The following GLG1 variants were observed in gnomAD, a reference collection of about 807,000 sequenced individuals.
GLG1 encodes the protein golgi glycoprotein 1.
In GLG1, 38 loss-of-function variants were observed where a neutral mutation model predicts 160.5. The observed-to-expected ratio is 0.24, with a 90% CI of 0.18 to 0.31. The LOEUF is 0.31. Ranked by LOEUF, GLG1 falls within the 10% of genes least tolerant of loss-of-function variation. The pLI is 1.00. For missense variants in GLG1, 1,373 were observed against 1,505.2 expected (o/e 0.91, Z 1.45); for synonymous variants, 644 against 543.4 (o/e 1.19, Z -2.57).
intron 17 of GLG1, chr16:74,468,437 T>C (rs1175013858): frequency 1.9e-5 from 3 of 155,488 alleles, no homozygotes; most frequent in East Asian, 1.9e-4. Flanking sequence ...GGTGTCGCCA[T>C]GTTGGCCAGG....
intron 1 of GLG1, among the ~76,000 whole-genome samples, chr16:74,537,037 A>G (rs1410869196): frequency 1.3e-5 from 2 of 152,250 alleles, no homozygotes; most frequent in Non-Finnish European, 2.9e-5. Flanking sequence ...TCCTCTTACT[A>G]TGGAAAACTG....
chr16:74,599,708 C>CA (rs1958393600), intron 1 of GLG1, among the ~76,000 whole-genome samples: 1 of 152,006 alleles, frequency 6.6e-6, no homozygotes, highest in Admixed American at 6.6e-5. Flanking sequence ...ACTAAAAATG[C>CA]AAAAAATTAG....
At chr16:74,454,858 TTATATCA>T (rs2143124304) in intron 25 of GLG1, among the ~76,000 whole-genome samples, 1 of 150,836 alleles carries the variant, frequency 6.6e-6, no homozygotes, top group South Asian at 2.1e-4. Flanking sequence ...TCATTCACCA[TTATATCA>T]TAAGCATTTC....
chr16:74,489,233 G>A (rs2015897281), intron 8 of GLG1, among the ~76,000 whole-genome samples: 2 of 152,100 alleles, frequency 1.3e-5, no homozygotes, highest in Admixed American at 6.5e-5. Flanking sequence ...CACTTTGGGA[G>A]GCTGAGGCGG....
At chr16:74,459,619 A>T in intron 23 of GLG1, 63 bp downstream of exon 23, 1 of 855,784 alleles carries the variant, frequency 1.2e-6, no homozygotes, top group Non-Finnish European at 1.9e-6. Flanking sequence ...CTACAGCATT[A>T]AAAGGAAGAA....
At chr16:74,544,796 G>A (rs188923452) in intron 1 of GLG1, among the ~76,000 whole-genome samples, 176 of 152,120 alleles carry the variant, frequency 1.2e-3, no homozygotes, top group Non-Finnish European at 2.1e-3. Context: ...CACCGCGCCC[G>A]GCCATTATTT....
intron 1 of GLG1, among the ~76,000 whole-genome samples, chr16:74,568,200 T>C (rs1266802556): frequency 2.0e-5 from 3 of 152,210 alleles, no homozygotes; most frequent in South Asian, 2.1e-4. Flanking sequence ...CCTGCTAAGA[T>C]GCCAAGTATC....
At chr16:74,455,702 T>C (rs1454719889) in intron 25 of GLG1, among the ~76,000 whole-genome samples, 2 of 152,190 alleles carry the variant, frequency 1.3e-5, no homozygotes, top group Non-Finnish European at 2.9e-5. Context: ...GATTACTCTC[T>C]TGATCTTAGG....
intron 1 of GLG1, among the ~76,000 whole-genome samples, chr16:74,588,573 C>T (rs1958101380): frequency 6.6e-6 from 1 of 152,034 alleles, no homozygotes; most frequent in African/African-American, 2.4e-5. Context: ...GCTCTCACCA[C>T]CACACTGACT....
chr16:74,529,159 G>T (rs1472511029), intron 2 of GLG1, among the ~76,000 whole-genome samples: 1 of 151,814 alleles, frequency 6.6e-6, no homozygotes, highest in Non-Finnish European at 1.5e-5. Context: ...TAGATATGGG[G>T]TTTTTTACCG....
chr16:74,505,377 T>G (rs1029812481), intron 3 of GLG1, among the ~76,000 whole-genome samples: 1 of 152,258 alleles, frequency 6.6e-6, no homozygotes, highest in Non-Finnish European at 1.5e-5. Flanking sequence ...ACAGTCAAGA[T>G]GAATGAAATT....
chr16:74,592,385 C>T (rs762535765), intron 1 of GLG1, among the ~76,000 whole-genome samples: 2 of 152,008 alleles, frequency 1.3e-5, no homozygotes, highest in African/African-American at 2.4e-5. Flanking sequence ...ATCAGGTGAT[C>T]CACCCGCCTT....
chr16:74,606,554 G>A (rs1958571026), intron 1 of GLG1, 103 bp downstream of exon 1: 3 of 964,480 alleles, frequency 3.1e-6, no homozygotes, highest in Admixed American at 2.3e-5. Context: ...CAGCACAGAG[G>A]AAGCAAGGAA....
At chr16:74,593,055 T>C (rs1281762034) in intron 1 of GLG1, among the ~76,000 whole-genome samples, 5 of 152,158 alleles carry the variant, frequency 3.3e-5, no homozygotes, top group Non-Finnish European at 7.3e-5. Context: ...TCTCTTGCCC[T>C]TCCACATTCT....
rs960617729 is a variant in GLG1, at chr16:74,592,477, A to C, written c.438+14180T>G. ...ACCTTATTCCAAAGCTTTATGGAAG[A>C]AGCTCTGGAAGGATTATATAAAGGG... On this transcript the variant is annotated intron_variant, in intron 1 of 25. Transcript: ENST00000422840. Among the ~76,000 whole-genome samples the C allele has an allele frequency of 5.3e-5, 8 of 152,288 alleles. No homozygotes were observed. In the East Asian group the frequency reaches 7.7e-4, roughly 15 times the overall value.
intron 23 of GLG1, 29 bp from the exon 24 acceptor site, chr16:74,458,023 G>C: frequency 6.2e-7 from 1 of 1,609,374 alleles, no homozygotes; most frequent in Admixed American, 1.7e-5. Flanking sequence ...TGCAGACAGA[G>C]CTTTTGAAGG....
At chr16:74,476,065 C>A (rs1428805503) in intron 12 of GLG1, among the ~76,000 whole-genome samples, 11 of 151,914 alleles carry the variant, frequency 7.2e-5, no homozygotes. Context: ...GCCTGTAATC[C>A]CAGTTACTAA....
At position 74,469,013 on chromosome 16, in the gene GLG1, T is replaced by C. The variant is rs1212588372; in HGVS notation, c.2369A>G (p.Gln790Arg). The C allele has an allele frequency of 3.7e-6, 6 of 1,614,188 alleles. No homozygotes were observed. The East Asian group carries it at 6.7e-5, about 18-fold the overall frequency. ...LSTTVRNDTL[Q>R]EAKEHRVSLK... ...GGACACCCTGTGCTCCTTGGCTTCC[T>C]GCAGAGTGTCATTGCGCACGGTCGT... Residue 790 changes from glutamine to arginine, a missense_variant, in exon 17 of 26, where the codon CAG (glutamine) becomes CGG (arginine). Physicochemically the swap from Gln to Arg is conservative, Grantham distance 43. Coordinates refer to ENST00000422840, the MANE Select transcript of GLG1 (RefSeq NM_001145667.2).
At chr16:74,543,810 C>T (rs1299589188) in intron 1 of GLG1, among the ~76,000 whole-genome samples, 1 of 151,744 alleles carries the variant, frequency 6.6e-6, no homozygotes, top group Non-Finnish European at 1.5e-5. Flanking sequence ...TACAAAAGAC[C>T]GGGAGAATCC....
Sources: allele counts gnomAD v4.1 joint callset (sites outside exome capture counted in the v4.1 genomes callset), GRCh38; gene constraint gnomAD v4.1.1; transcripts MANE v1.5; gene names NCBI Gene and HGNC (gene_info 2026-07-23, HGNC 2026-07-21).